CHRM3: variants seen among roughly 807,000 people sequenced by gnomAD.
CHRM3 encodes muscarinic acetylcholine receptor M3.
A neutral mutation model predicts 41.8 loss-of-function variants in CHRM3; 11 were observed. That is an observed-to-expected ratio of 0.26 (90% CI 0.17 to 0.44). The LOEUF (loss-of-function observed/expected upper bound fraction) is 0.44, where lower values mean the gene tolerates loss of function less well. Among genes scored for constraint, CHRM3 ranks in the 20% least tolerant of loss-of-function variants. The pLI is 1.00. For synonymous variants in CHRM3, 297 were observed against 301.4 expected, an observed-to-expected ratio of 0.99 and a Z score of 0.15; for missense variants, 571 against 745.4, an observed-to-expected ratio of 0.77 and a Z score of 2.72.
intron 3 of CHRM3, among the ~76,000 whole-genome samples, chr1:239,567,424 T>C (rs1661458775): frequency 6.6e-6 from 1 of 152,168 alleles, no homozygotes; most frequent in Non-Finnish European, 1.5e-5. Context: ...TCTTTCTCAA[T>C]ATGCTGATAC....
Position 239,908,979 on chromosome 1 carries a change from A to G in CHRM3, c.1528A>G (p.Met510Val). 1 of 1,614,146 alleles carries G rather than the reference A, an allele frequency of 6.2e-7. No individual in the cohort carries two copies. The highest frequency in any genetic ancestry group is 8.5e-7 in the Non-Finnish European group (1 of 1,180,036). ...CATCACTTGGACCCCATACAACATCATGGTTCTGGTGAACACCTTTTGTGA... is the reference window on the plus strand; with the variant it reads ...CATCACTTGGACCCCATACAACATCGTGGTTCTGGTGAACACCTTTTGTGA... ...FIITWTPYNI[M>V]VLVNTFCDSC... The change falls in exon 7 of 7, where the codon ATG becomes GTG. Residue 510 changes from methionine (M) to valine (V), a missense_variant. Around this residue, in one of 5 missense-constraint regions of CHRM3, gnomAD observed 43 missense variants for 93.7 expected, o/e 0.46. Transcript: ENST00000676153. This position sits in a 1 kb window ranked among gnomAD's most constrained non-coding sequence, Gnocchi z 7.2.
rs191605954 is a variant in CHRM3 at position 239,621,708 on chromosome 1, G to A, written c.-312-10516G>A. ...TTCTATGAAGGCTGAGAGAGGAAAG[G>A]AAGCTGCAGAAGAAGAATGTGAAGC... On this transcript the variant is annotated intron_variant, in intron 3 of 6. Coordinates refer to ENST00000676153, the MANE Select transcript of CHRM3 (RefSeq NM_001375978.1). 4.6e-5 allele frequency among the ~76,000 whole-genome samples: 7 copies of A among 152,318 alleles called. No homozygotes were observed. In the East Asian group the frequency reaches 5.8e-4, roughly 13 times the overall value.
intron 2 of CHRM3, among the ~76,000 whole-genome samples, chr1:239,544,930 A>G (rs943364877): frequency 6.6e-6 from 1 of 152,214 alleles, no homozygotes; most frequent in Non-Finnish European, 1.5e-5. Flanking sequence ...AGCACGTTCT[A>G]TAGAGGGCAG....
chr1:239,490,032 C>T (rs1440699980), intron 1 of CHRM3, among the ~76,000 whole-genome samples: 8 of 152,160 alleles, frequency 5.3e-5, no homozygotes, highest in Non-Finnish European at 1.2e-4. Flanking sequence ...GTTATCTAGT[C>T]TCTCTGCAAA....
chr1:239,407,114 G>C (rs554852860), intron 1 of CHRM3, among the ~76,000 whole-genome samples: 51 of 152,228 alleles, frequency 3.4e-4, no homozygotes, highest in Middle Eastern at 3.4e-3. Flanking sequence ...TTCTGCCTCA[G>C]AGCCTTTACA....
rs1680441142 is a variant in CHRM3 at position 239,912,827 on chromosome 1, T to C, written c.*3603T>C. 6.0e-6 allele frequency: 1 copy of C among 167,020 alleles called. No homozygotes were observed. The highest frequency in any genetic ancestry group is 6.5e-5 in the Admixed American group (1 of 15,280). 10.3% of individuals were successfully genotyped at this position (167,020 alleles called of 1,614,324 possible). On this transcript the variant is annotated 3_prime_UTR_variant, in exon 7 of 7. Coordinates refer to ENST00000676153, the MANE Select transcript of CHRM3 (RefSeq NM_001375978.1). ...GGCAGCTTCAGAGGACGAGTGAAAA[T>C]AGTGCAGTATAGTCAAAGAAGCAAT... is the stretch of plus-strand genomic sequence containing the variant.
chr1:239,604,514 T>G (rs1666006515), intron 3 of CHRM3, among the ~76,000 whole-genome samples: 1 of 152,206 alleles, frequency 6.6e-6, no homozygotes, highest in Admixed American at 6.5e-5. Flanking sequence ...AGCAATATAC[T>G]TACTTCTCTG....
chr1:239,605,616 A>T (rs931095992), intron 3 of CHRM3, among the ~76,000 whole-genome samples: 2 of 152,192 alleles, frequency 1.3e-5, no homozygotes, highest in African/African-American at 4.8e-5. Flanking sequence ...TACAGATGTA[A>T]TTTTAAAAGA....
At chr1:239,826,130 A>G (rs1672441203) in intron 5 of CHRM3, among the ~76,000 whole-genome samples, 1 of 152,164 alleles carries the variant, frequency 6.6e-6, no homozygotes, top group Non-Finnish European at 1.5e-5. Context: ...AAGGATATAT[A>G]TCATTGTGAA....
At chr1:239,456,520 C>T (rs1282154565) in intron 1 of CHRM3, among the ~76,000 whole-genome samples, 2 of 152,152 alleles carry the variant, frequency 1.3e-5, no homozygotes, top group African/African-American at 4.8e-5. Flanking sequence ...TGTGTACATC[C>T]ACTCTACGAT....
At chr1:239,891,980 G>A (rs540592031) in intron 6 of CHRM3, among the ~76,000 whole-genome samples, 62 of 152,178 alleles carry the variant, frequency 4.1e-4, no homozygotes, top group African/African-American at 1.4e-3. Context: ...CGGTGTTCAA[G>A]GTCACCCTAG....
chr1:239,570,021 A>G (rs770503316), intron 3 of CHRM3, among the ~76,000 whole-genome samples: 1 of 152,156 alleles, frequency 6.6e-6, no homozygotes, highest in Non-Finnish European at 1.5e-5. Flanking sequence ...CAGCAACAAC[A>G]ACAACAAAAG....
At chr1:239,468,002 G>A (rs1665856646) in intron 1 of CHRM3, among the ~76,000 whole-genome samples, 1 of 152,072 alleles carries the variant, frequency 6.6e-6, no homozygotes, top group Non-Finnish European at 1.5e-5. Context: ...AAAACAGATG[G>A]AAATATGCTA....
rs1660896080 is a variant in CHRM3, at chr1:239,561,895, A to G, written c.-313+16146A>G. ...TACTAGTATAAATGGTGTAAACAGA[A>G]TTTCTTGGTGAAGAAAAATTTTTAG... On this transcript the variant is annotated intron_variant, in intron 3 of 6. Transcript: ENST00000676153. Among the ~76,000 whole-genome samples the G allele has an allele frequency of 2.0e-5, 3 of 152,238 alleles. No individual in the cohort carries two copies. In the South Asian group the frequency reaches 6.2e-4, roughly 32 times the overall value.
At chr1:239,468,125 T>C (rs1445394239) in intron 1 of CHRM3, among the ~76,000 whole-genome samples, 1 of 152,206 alleles carries the variant, frequency 6.6e-6, no homozygotes, top group Non-Finnish European at 1.5e-5. Context: ...TGCTTCTCCA[T>C]ATTCTGACTC....
rs534333346 is a variant in CHRM3, at chr1:239,795,082, A to G, written c.-146-32170A>G. Among the ~76,000 whole-genome samples the G allele has an allele frequency of 2.0e-5, 3 of 152,322 alleles. No homozygotes were observed. The South Asian group carries it at 6.2e-4, about 32-fold the overall frequency. On this transcript the variant is annotated intron_variant, in intron 5 of 6. Coordinates refer to ENST00000676153, the MANE Select transcript of CHRM3 (RefSeq NM_001375978.1). ...TGGTTATTCTTAAGAGGACAGAATTATCCTTAATAAATATTTTACTTTTTA... is the reference window on the plus strand; with the variant it reads ...TGGTTATTCTTAAGAGGACAGAATTGTCCTTAATAAATATTTTACTTTTTA...
intron 3 of CHRM3, among the ~76,000 whole-genome samples, chr1:239,609,689 G>A (rs1666767197): frequency 6.6e-6 from 1 of 152,106 alleles, no homozygotes; most frequent in African/African-American, 2.4e-5. Context: ...GGTCATTTTA[G>A]TGGATGTCTA....
chr1:239,580,059 T>A (rs1469434955), intron 3 of CHRM3, among the ~76,000 whole-genome samples: 1 of 152,172 alleles, frequency 6.6e-6, no homozygotes, highest in Non-Finnish European at 1.5e-5. Context: ...GCCATTTGTC[T>A]ACATCTTCTG....
chr1:239,846,373 G>A (rs753319569), intron 6 of CHRM3, among the ~76,000 whole-genome samples: 21 of 152,248 alleles, frequency 1.4e-4, no homozygotes, highest in Non-Finnish European at 2.5e-4. Flanking sequence ...CTACTAATTT[G>A]TTGTTACAAG....
Sources: allele counts gnomAD v4.1 joint callset (sites outside exome capture counted in the v4.1 genomes callset), GRCh38; gene constraint gnomAD v4.1.1; regional missense constraint gnomAD v4.1.1; non-coding constraint Gnocchi (gnomAD v3.1); transcripts MANE v1.5; gene names NCBI Gene and HGNC (gene_info 2026-07-23, HGNC 2026-07-21).